Variants in TMC3 observed in about 807,000 individuals in gnomAD.
TMC3 encodes the protein transmembrane channel like 3.
A neutral mutation model predicts 110.6 loss-of-function variants in TMC3; 98 were observed. The ratio of observed to expected loss-of-function variants is 0.89; its 90% CI spans 0.75 to 1.05. The LOEUF is 1.05. Among genes scored for constraint, TMC3 ranks in the 50% least tolerant of loss-of-function variants. TMC3 has a pLI of 0.00. For synonymous variants in TMC3, 489 were observed against 513.1 expected, an observed-to-expected ratio of 0.95 and a Z score of 0.63; for missense variants, 1,319 against 1,373.2, an observed-to-expected ratio of 0.96 and a Z score of 0.62.
intron 19 of TMC3, among the ~76,000 whole-genome samples, 166 bp from the exon 20 acceptor site, chr15:81,336,817 T>C (rs1395041986): frequency 6.6e-6 from 1 of 152,208 alleles, no homozygotes; most frequent in African/African-American, 2.4e-5. Context: ...CTCGGGCCTG[T>C]TATTTGAGTG....
At chr15:81,353,740 A>C (rs1360451201) in intron 9 of TMC3, among the ~76,000 whole-genome samples, 1 of 152,226 alleles carries the variant, frequency 6.6e-6, no homozygotes, top group African/African-American at 2.4e-5. Context: ...TTGTGTAAAG[A>C]CACATTTCTT....
intron 9 of TMC3, 95 bp from the exon 10 acceptor site, chr15:81,351,936 A>G (rs1893961181): frequency 1.4e-6 from 2 of 1,415,314 alleles, no homozygotes; most frequent in Admixed American, 4.2e-5. Flanking sequence ...GAACACATCC[A>G]TTGCCAAGAG....
intron 16 of TMC3, 78 bp downstream of exon 16, chr15:81,341,312 G>A: frequency 1.4e-6 from 2 of 1,432,258 alleles, no homozygotes; most frequent in South Asian, 1.4e-5. Flanking sequence ...TTTGCTAGAG[G>A]ACCCCTGGGT....
chr15:81,373,880 G>T, intron 1 of TMC3, 109 bp downstream of exon 1: 2 of 1,034,420 alleles, frequency 1.9e-6, no homozygotes, highest in African/African-American at 1.6e-5. Context: ...AGTTCATTCT[G>T]AAGGACAACT....
rs373243884 is a variant in TMC3 at position 81,338,742 on chromosome 15, A to G, written c.1994T>C (p.Ile665Thr). 4.4e-5 allele frequency: 71 copies of G among 1,613,842 alleles called. No individual in the cohort carries two copies. Among genetic ancestry groups the G allele is most frequent in the African/African-American group, 4.3e-4 (32 of 74,934 alleles). The part of the protein sequence containing the change: ...EKIYDIVSET[I>T]EKDFPVWFGS... Reference sequence around the variant, plus strand: ...AAACCACACAGGAAAGTCTTTCTCAATCGTTTCTGACACAATGTCATAAAT... The same window carrying G: ...AAACCACACAGGAAAGTCTTTCTCAGTCGTTTCTGACACAATGTCATAAAT... Residue 665 changes from isoleucine to threonine, a missense_variant, in exon 18 of 22, where the codon ATT becomes ACT. Ile to Thr is a moderately conservative substitution (Grantham distance 89). Coordinates refer to ENST00000359440, the MANE Select transcript of TMC3 (RefSeq NM_001080532.3).
chr15:81,340,890 A>G (rs888641702), intron 16 of TMC3, among the ~76,000 whole-genome samples: 1 of 152,242 alleles, frequency 6.6e-6, no homozygotes, highest in Non-Finnish European at 1.5e-5. Context: ...AGTGAGTTGA[A>G]TCTCACAAAC....
At chr15:81,336,524 C>T (rs1893598878) in intron 20 of TMC3, 85 bp downstream of exon 20, 1 of 1,328,822 alleles carries the variant, frequency 7.5e-7, no homozygotes, top group Non-Finnish European at 1.1e-6. Context: ...GCCGAGATCA[C>T]ACCACTGCAC....
intron 3 of TMC3, among the ~76,000 whole-genome samples, chr15:81,364,181 A>G (rs1463044629): frequency 6.6e-6 from 1 of 152,070 alleles, no homozygotes; most frequent in Non-Finnish European, 1.5e-5. Flanking sequence ...CCACCACCCC[A>G]TCAGTAGTGC....
chr15:81,366,548 T>TTA lies in TMC3; in HGVS notation c.312+1703_312+1704dup, dbSNP rs576847133. ...TAAAAGTCTCAATAGCTTTTCATTG[T>TTA]TATATATATATTATAGGTCATTTGA... On this transcript the variant is annotated intron_variant, in intron 3 of 21. Transcript: ENST00000359440. Among the ~76,000 whole-genome samples, 430 of 152,118 alleles carry TTA rather than the reference T, an allele frequency of 2.8e-3. 1 individual carries two copies. Among genetic ancestry groups the TTA allele is most frequent in the South Asian group, 6.0e-3 (29 of 4,814 alleles).
chr15:81,345,746 C>T (rs1011936386), intron 12 of TMC3, among the ~76,000 whole-genome samples: 11 of 151,998 alleles, frequency 7.2e-5, no homozygotes, highest in African/African-American at 2.4e-4. Context: ...AGCGGTGGCA[C>T]GCAGCTCTAG....
At chr15:81,360,155 T>C (rs1894155831) in intron 4 of TMC3, among the ~76,000 whole-genome samples, 14 of 152,038 alleles carry the variant, frequency 9.2e-5, no homozygotes. Context: ...ATGTTTGTCA[T>C]AATGAGTAGC....
chr15:81,332,427 C>T lies in TMC3; in HGVS notation c.3295G>A (p.Asp1099Asn), dbSNP rs4417518. Residue 1099 changes from aspartate (D) to asparagine (N), a missense_variant, in exon 22 of 22, where the codon GAT (aspartate) becomes AAT (asparagine). Coordinates refer to ENST00000359440, the MANE Select transcript of TMC3 (RefSeq NM_001080532.3). The stretch of plus-strand genomic sequence containing the variant: ...GGGACACTGGAGGAAGCCTAGACAT[C>T]TGAACAAATCAAGTCATCCAGATCC... ...TVDLDDLICSDV is the reference protein window; with the variant it reads ...TVDLDDLICSNV 1,347,869 of 1,602,628 alleles carry T rather than the reference C, an allele frequency of 0.84. 572,343 individuals carry two copies. The highest frequency in any genetic ancestry group is 0.89 in the African/African-American group (66,485 of 74,876).
intron 3 of TMC3, among the ~76,000 whole-genome samples, chr15:81,362,985 C>G (rs1192158925): frequency 6.6e-6 from 1 of 152,164 alleles, no homozygotes; most frequent in Non-Finnish European, 1.5e-5. Flanking sequence ...TGGCCAGGCG[C>G]GGTGGCTCAC....
At chr15:81,359,625 A>C (rs975076288) in intron 4 of TMC3, among the ~76,000 whole-genome samples, 154 bp from the exon 5 acceptor site, 2 of 152,152 alleles carry the variant, frequency 1.3e-5, no homozygotes, top group African/African-American at 4.8e-5. Flanking sequence ...CCTAAATGTT[A>C]ACTCAGACAG....
intron 7 of TMC3, 113 bp from the exon 8 acceptor site, chr15:81,356,707 G>A (rs1463960027): frequency 1.7e-5 from 20 of 1,184,544 alleles, no homozygotes; most frequent in East Asian, 2.6e-5. Context: ...CTGGGTGGAC[G>A]CAGCTCCTCG....
chr15:81,350,019 A>G (rs1893912341), intron 10 of TMC3, among the ~76,000 whole-genome samples: 1 of 151,436 alleles, frequency 6.6e-6, no homozygotes, highest in South Asian at 2.1e-4. Context: ...GGCTGAGGCA[A>G]GAGAATTGCT....
intron 19 of TMC3, chr15:81,337,526 C>T (rs1357996087): frequency 1.8e-5 from 8 of 446,638 alleles, no homozygotes; most frequent in African/African-American, 3.9e-5. Context: ...TGCCAATCTA[C>T]CAGAGCTCAC....
rs757829668 is a variant in TMC3, at chr15:81,333,104, G to A, written c.2618C>T (p.Ser873Leu). The A allele has an allele frequency of 5.8e-5, 93 of 1,613,912 alleles. 1 individual carries two copies. The highest frequency in any genetic ancestry group is 7.4e-5 in the Non-Finnish European group (87 of 1,179,910). Residue 873 changes from serine (S) to leucine (L), a missense_variant, in exon 22 of 22, where the codon TCG (serine) becomes TTG (leucine). By Grantham distance (145) the Ser-to-Leu change is moderately radical (BLOSUM62 -2). Transcript: ENST00000359440. Reference protein sequence around the residue: ...INPPHRGPQASTLLAQGPRPH... With the variant: ...INPPHRGPQALTLLAQGPRPH... ...CCTGGGACCCTGTGCCAGCAAAGTCGAGGCCTGTGGTCCACGGTGAGGAGG... is the reference window on the plus strand; with the variant it reads ...CCTGGGACCCTGTGCCAGCAAAGTCAAGGCCTGTGGTCCACGGTGAGGAGG...
intron 7 of TMC3, among the ~76,000 whole-genome samples, chr15:81,357,222 AG>A (rs1466484770): frequency 6.6e-6 from 1 of 152,112 alleles, no homozygotes; most frequent in Admixed American, 6.5e-5. Flanking sequence ...GGAAGCCACC[AG>A]GAGCTAAGCT....
Sources: gnomAD v4.1 joint callset for allele counts (sites outside exome capture counted in the v4.1 genomes callset) on GRCh38, gnomAD v4.1.1 for gene constraint, MANE v1.5 for transcripts, NCBI Gene and HGNC (gene_info 2026-07-23, HGNC 2026-07-21) for gene names.